The following MACROD2 variants were observed in gnomAD, a reference collection of about 807,000 sequenced individuals.
MACROD2 encodes the protein mono-ADP ribosylhydrolase 2, also known as ADP-ribose glycohydrolase MACROD2.
MACROD2 carries 36 observed loss-of-function variants against 70.4 expected under a neutral mutation model. That is an observed-to-expected ratio of 0.51 (90% CI 0.39 to 0.68). The LOEUF is 0.68. Among genes scored for constraint, MACROD2 ranks in the 30% least tolerant of loss-of-function variants. The probability of loss-of-function intolerance (pLI) is 0.00; values close to 1 mark genes in which losing one functional copy is unlikely to be tolerated. For synonymous variants in MACROD2, 172 were observed against 178.8 expected (o/e 0.96, Z 0.30); for missense variants, 496 against 538.4 (o/e 0.92, Z 0.78).
At chr20:15,206,759 T>C (rs1303343196) in intron 5 of MACROD2, among the ~76,000 whole-genome samples, 1 of 132,030 alleles carries the variant, frequency 7.6e-6, no homozygotes, top group Non-Finnish European at 1.6e-5. Flanking sequence ...AGACGGAGTC[T>C]CGCTCTGTCG....
At chr20:14,659,580 C>T (rs966647453) in intron 4 of MACROD2, among the ~76,000 whole-genome samples, 2 of 152,082 alleles carry the variant, frequency 1.3e-5, no homozygotes, top group African/African-American at 4.8e-5. Flanking sequence ...TTCAAAAATT[C>T]TCCCCAGTTT....
chr20:14,175,864 TATTA>T (rs1348660537), intron 3 of MACROD2, among the ~76,000 whole-genome samples: 2 of 152,210 alleles, frequency 1.3e-5, no homozygotes, highest in Admixed American at 1.3e-4. Context: ...TTGAGACATT[TATTA>T]ATTATCTTTC....
chr20:16,024,689 G>A (rs1047162707), intron 15 of MACROD2, among the ~76,000 whole-genome samples: 2 of 152,148 alleles, frequency 1.3e-5, no homozygotes, highest in East Asian at 3.8e-4. Flanking sequence ...GATTAAATAC[G>A]ACAGAACCAG....
chr20:16,006,328 C>G (rs976881231), intron 15 of MACROD2, among the ~76,000 whole-genome samples: 1 of 152,200 alleles, frequency 6.6e-6, no homozygotes, highest in Non-Finnish European at 1.5e-5. Flanking sequence ...AAATGGCCAA[C>G]AGTTTGTTTG....
rs180836011 is a variant in MACROD2 at position 14,813,115 on chromosome 20, G to A, written c.418+128156G>A. On this transcript the variant is annotated intron_variant, in intron 5 of 17. Coordinates refer to ENST00000684519, the MANE Select transcript of MACROD2 (RefSeq NM_001351661.2). ...GATTTACTAACAAGTATTAATTGTC[G>A]ATCTTGAGACTTCTGAAATATTTTC... 1.2e-3 allele frequency among the ~76,000 whole-genome samples: 184 copies of A among 151,446 alleles called. 4 individuals are homozygous for A. Among genetic ancestry groups the A allele is most frequent in the South Asian group, 4.2e-4 (2 of 4,786 alleles).
intron 8 of MACROD2, among the ~76,000 whole-genome samples, chr20:15,858,726 G>A (rs2064386232): frequency 6.6e-6 from 1 of 152,182 alleles, no homozygotes; most frequent in African/African-American, 2.4e-5. Context: ...AGGGTAGTTG[G>A]ATCCATATTG....
intron 6 of MACROD2, among the ~76,000 whole-genome samples, chr20:15,413,922 A>T (rs1243741777): frequency 6.6e-6 from 1 of 152,164 alleles, no homozygotes; most frequent in African/African-American, 2.4e-5. Flanking sequence ...CTTCCTCACC[A>T]GGTAGCATGC....
At chr20:14,789,183 C>G (rs1296929525) in intron 5 of MACROD2, among the ~76,000 whole-genome samples, 2 of 151,674 alleles carry the variant, frequency 1.3e-5, no homozygotes, top group Non-Finnish European at 2.9e-5. Flanking sequence ...AGGCCTATAT[C>G]GAAACCTGTA....
At chr20:15,942,837 G>A (rs368821446) in intron 12 of MACROD2, among the ~76,000 whole-genome samples, 10 of 152,262 alleles carry the variant, frequency 6.6e-5, no homozygotes, top group African/African-American at 1.7e-4. Context: ...GTTTAAACTC[G>A]TCTTAATCCA....
chr20:14,487,559 G>A (rs1021130677), intron 3 of MACROD2, among the ~76,000 whole-genome samples: 2 of 152,136 alleles, frequency 1.3e-5, no homozygotes, highest in Admixed American at 6.5e-5. Context: ...ACCTGTCCCA[G>A]AAATATGGCT....
At chr20:15,626,982 A>T (rs1568937529) in intron 8 of MACROD2, among the ~76,000 whole-genome samples, 1 of 152,144 alleles carries the variant, frequency 6.6e-6, no homozygotes, top group Non-Finnish European at 1.5e-5. Flanking sequence ...AAGAGAGAAG[A>T]AGAGAGAGAG....
chr20:14,448,440 G>A (rs935113159), intron 3 of MACROD2, among the ~76,000 whole-genome samples: 1 of 151,976 alleles, frequency 6.6e-6, no homozygotes, highest in Non-Finnish European at 1.5e-5. Context: ...ACTTTGGGAG[G>A]CCGAGGTGGG....
intron 8 of MACROD2, among the ~76,000 whole-genome samples, chr20:15,521,754 G>C (rs1049506075): frequency 6.6e-6 from 1 of 152,196 alleles, no homozygotes; most frequent in African/African-American, 2.4e-5. Context: ...GCTAATTGCA[G>C]TATTTTAAAG....
intron 4 of MACROD2, among the ~76,000 whole-genome samples, chr20:14,641,759 T>G (rs949924527): frequency 4.6e-5 from 7 of 152,246 alleles, no homozygotes; most frequent in African/African-American, 1.7e-4. Context: ...AAATATTCAT[T>G]AAACCATGCT....
chr20:15,336,689 G>C (rs1485296737), intron 6 of MACROD2, among the ~76,000 whole-genome samples: 1 of 151,742 alleles, frequency 6.6e-6, no homozygotes, highest in African/African-American at 2.4e-5. Context: ...GGCTCTAAAA[G>C]TGCGTGTGTG....
chr20:15,654,540 C>T (rs931929466), intron 8 of MACROD2, among the ~76,000 whole-genome samples: 1 of 152,180 alleles, frequency 6.6e-6, no homozygotes, highest in Non-Finnish European at 1.5e-5. Context: ...CCTAAGCACC[C>T]CTCCACTTGA....
chr20:14,069,376 A>C (rs1457910992), intron 2 of MACROD2, among the ~76,000 whole-genome samples: 1 of 152,084 alleles, frequency 6.6e-6, no homozygotes, highest in Non-Finnish European at 1.5e-5. Flanking sequence ...ACATCCCTGC[A>C]TGACATGTGA....
At chr20:15,973,877 C>T (rs1321033151) in intron 13 of MACROD2, among the ~76,000 whole-genome samples, 1 of 152,084 alleles carries the variant, frequency 6.6e-6, no homozygotes, top group Non-Finnish European at 1.5e-5. Flanking sequence ...AATTTAAATT[C>T]CTGATGAAAT....
rs565042453 is a variant in MACROD2, at chr20:14,886,862, T to C, written c.418+201903T>C. Among the ~76,000 whole-genome samples the C allele has an allele frequency of 1.3e-4, 20 of 152,218 alleles. No homozygotes were observed. In the South Asian group the frequency reaches 3.9e-3, roughly 30 times the overall value. ...GAAAATGGGAAGAGAAGAAATAAAATTCTTGGAGCCATCATGGCAGCCTTC... is the reference window on the plus strand; with the variant it reads ...GAAAATGGGAAGAGAAGAAATAAAACTCTTGGAGCCATCATGGCAGCCTTC... On this transcript the variant is annotated intron_variant, in intron 5 of 17. Transcript: ENST00000684519.
Sources: allele counts gnomAD v4.1 joint callset (sites outside exome capture counted in the v4.1 genomes callset), GRCh38; gene constraint gnomAD v4.1.1; transcripts MANE v1.5; gene names NCBI Gene and HGNC (gene_info 2026-07-23, HGNC 2026-07-21).